The following CAMK1D variants were observed in gnomAD, a reference collection of about 807,000 sequenced individuals.
CAMK1D encodes calcium/calmodulin-dependent protein kinase type 1D.
In CAMK1D, 9 loss-of-function variants were observed where a neutral mutation model predicts 47.7. The observed-to-expected ratio is 0.19, with a 90% confidence interval of 0.11 to 0.33. The LOEUF is 0.33. Ranked by LOEUF, CAMK1D falls within the 10% of genes least tolerant of loss-of-function variation. The pLI is 1.00. For missense variants in CAMK1D, 291 were observed against 488.7 expected (o/e 0.60, Z 3.81); for synonymous variants, 184 against 184.9 (o/e 0.99, Z 0.04).
At chr10:12,610,251 C>T (rs557246270) in intron 2 of CAMK1D, among the ~76,000 whole-genome samples, 3 of 152,270 alleles carry the variant, frequency 2.0e-5, no homozygotes, top group African/African-American at 7.2e-5. Context: ...ATGGTGATGG[C>T]CAGGTGACAA....
intron 5 of CAMK1D, among the ~76,000 whole-genome samples, chr10:12,770,158 G>C (rs979099394): frequency 2.0e-5 from 3 of 152,208 alleles, no homozygotes; most frequent in African/African-American, 4.8e-5. Context: ...TGAGATAACA[G>C]TAAGGTGCAC....
intron 4 of CAMK1D, among the ~76,000 whole-genome samples, chr10:12,765,241 T>C (rs777230188): frequency 1.3e-5 from 2 of 152,254 alleles, no homozygotes; most frequent in Admixed American, 6.5e-5. Context: ...GTATTTATTC[T>C]TTAGTTTCTA....
At chr10:12,459,144 G>T (rs915694069) in intron 1 of CAMK1D, among the ~76,000 whole-genome samples, 7 of 152,262 alleles carry the variant, frequency 4.6e-5, no homozygotes, top group Admixed American at 2.0e-4. Context: ...CTCCCAAACT[G>T]CTGGGATTAC....
At chr10:12,608,933 A>C (rs1838544039) in intron 2 of CAMK1D, among the ~76,000 whole-genome samples, 1 of 152,212 alleles carries the variant, frequency 6.6e-6, no homozygotes, top group African/African-American at 2.4e-5. Flanking sequence ...GAGTAAATAG[A>C]ATAATCTATT....
chr10:12,388,876 C>T (rs1243914136), intron 1 of CAMK1D, among the ~76,000 whole-genome samples: 3 of 152,152 alleles, frequency 2.0e-5, no homozygotes, highest in East Asian at 1.9e-4. Flanking sequence ...CCTGGAGGCA[C>T]GTCGTGCTGT....
At chr10:12,450,980 G>A (rs772352133) in intron 1 of CAMK1D, among the ~76,000 whole-genome samples, 1 of 152,146 alleles carries the variant, frequency 6.6e-6, no homozygotes, top group Non-Finnish European at 1.5e-5. Context: ...CAGCTTTGAA[G>A]ACCTCCCACC....
intron 2 of CAMK1D, among the ~76,000 whole-genome samples, chr10:12,626,192 A>G (rs1839208514): frequency 6.6e-6 from 1 of 152,206 alleles, no homozygotes; most frequent in Non-Finnish European, 1.5e-5. Flanking sequence ...TACTCATACG[A>G]CACCAAAACT....
At chr10:12,825,012 A>T (rs1040335536) in intron 9 of CAMK1D, among the ~76,000 whole-genome samples, 1 of 152,122 alleles carries the variant, frequency 6.6e-6, no homozygotes, top group Non-Finnish European at 1.5e-5. Flanking sequence ...CCGTGTTCCA[A>T]TCAGCAATGG....
chr10:12,378,444 G>A (rs1346228882), intron 1 of CAMK1D, among the ~76,000 whole-genome samples: 2 of 151,328 alleles, frequency 1.3e-5, no homozygotes. Flanking sequence ...GTAGAAATGG[G>A]GTCTCGCTCT....
chr10:12,477,880 C>G (rs1324511146), intron 1 of CAMK1D, among the ~76,000 whole-genome samples: 1 of 152,160 alleles, frequency 6.6e-6, no homozygotes, highest in Non-Finnish European at 1.5e-5. Flanking sequence ...CCCATGGAAT[C>G]CCGTATGCTT....
At chr10:12,621,627 G>A (rs1257467306) in intron 2 of CAMK1D, among the ~76,000 whole-genome samples, 2 of 151,896 alleles carry the variant, frequency 1.3e-5, no homozygotes, top group Admixed American at 6.6e-5. Flanking sequence ...TTAAATATTG[G>A]TATAAATGTT....
intron 1 of CAMK1D, among the ~76,000 whole-genome samples, chr10:12,481,933 A>G (rs1323042951): frequency 1.3e-5 from 2 of 152,212 alleles, no homozygotes; most frequent in Non-Finnish European, 2.9e-5. Flanking sequence ...AGAGCTGGAC[A>G]CTGTGTGGAT....
chr10:12,557,148 G>T (rs1258031671), intron 2 of CAMK1D, among the ~76,000 whole-genome samples: 1 of 152,176 alleles, frequency 6.6e-6, no homozygotes, highest in Non-Finnish European at 1.5e-5. Flanking sequence ...TGAACTTGGG[G>T]GTTGGGAGGA....
chr10:12,768,338 T>G (rs1287509427), intron 4 of CAMK1D, among the ~76,000 whole-genome samples: 1 of 152,216 alleles, frequency 6.6e-6, no homozygotes, highest in Admixed American at 6.5e-5. Context: ...TTAGTGATTT[T>G]GGGGTCCTGA....
At chr10:12,810,408 G>C (rs1404097079) in intron 6 of CAMK1D, among the ~76,000 whole-genome samples, 1 of 151,802 alleles carries the variant, frequency 6.6e-6, no homozygotes, top group Non-Finnish European at 1.5e-5. Flanking sequence ...CCGTGTAGCT[G>C]GGATTACAGG....
At chr10:12,387,546 G>T (rs1418128882) in intron 1 of CAMK1D, among the ~76,000 whole-genome samples, 1 of 142,984 alleles carries the variant, frequency 7.0e-6, no homozygotes, top group East Asian at 2.1e-4. Flanking sequence ...TGGCTCCGTG[G>T]CCCAGGCTGG....
chr10:12,517,614 A>T (rs1261099719), intron 1 of CAMK1D, among the ~76,000 whole-genome samples: 1 of 152,176 alleles, frequency 6.6e-6, no homozygotes, highest in Non-Finnish European at 1.5e-5. Flanking sequence ...AATACTTTTT[A>T]TGTGTCTGTT....
chr10:12,662,131 C>T lies in CAMK1D; in HGVS notation c.225-4605C>T, dbSNP rs182204289. 3.0e-4 allele frequency among the ~76,000 whole-genome samples: 46 copies of T among 152,282 alleles called. No homozygotes were observed. The East Asian group carries it at 4.6e-3, about 15-fold the overall frequency. On this transcript the variant is annotated intron_variant, in intron 2 of 10. Coordinates refer to ENST00000619168, the MANE Select transcript of CAMK1D (RefSeq NM_153498.4). The stretch of plus-strand genomic sequence containing the variant: ...ATACCATGGAGCTCTGACATGTAAC[C>T]TTCCATTTAAAATTTTAATTAGGAA...
At chr10:12,494,591 G>C (rs955525311) in intron 1 of CAMK1D, among the ~76,000 whole-genome samples, 5 of 132,866 alleles carry the variant, frequency 3.8e-5, no homozygotes, top group Non-Finnish European at 8.0e-5. Context: ...TCGAGACAGA[G>C]TCTCACTTTG....
Sources: allele counts gnomAD v4.1 joint callset (sites outside exome capture counted in the v4.1 genomes callset), GRCh38; gene constraint gnomAD v4.1.1; transcripts MANE v1.5; gene names NCBI Gene and HGNC (gene_info 2026-07-23, HGNC 2026-07-21).